Variants in PHIP observed in about 807,000 individuals in gnomAD.
The protein encoded by PHIP is PHIP subunit of CUL4-Ring ligase complex.
PHIP carries 54 observed loss-of-function variants against 236.8 expected under a neutral mutation model. That is an observed-to-expected ratio of 0.23 (90% confidence interval 0.18 to 0.29). PHIP has a LOEUF of 0.29. Ranked by LOEUF, PHIP falls within the 10% of genes least tolerant of loss-of-function variation. PHIP has a pLI of 1.00. For missense variants in PHIP, 1,370 were observed against 2,190.8 expected, an observed-to-expected ratio of 0.63 and a Z score of 7.48; for synonymous variants, 756 against 718.9, an observed-to-expected ratio of 1.05 and a Z score of -0.83.
At position 79,015,710 on chromosome 6, in the gene PHIP, T is replaced by G; in HGVS notation, c.1309A>C (p.Asn437His). The G allele has an allele frequency of 6.2e-7, 1 of 1,607,934 alleles. No individual in the cohort carries two copies. The highest frequency in any genetic ancestry group is 8.5e-7 in the Non-Finnish European group (1 of 1,174,816). ...TTATTAACTGCAGTTATAACTGTAT[T>G]GTCATGTCGATCCCAAGCTACCATA... The part of the protein sequence containing the change: ...VTMVAWDRHD[N>H]TVITAVNNMT... Residue 437 changes from asparagine (N) to histidine (H), a missense_variant, in exon 14 of 40, where the codon AAT becomes CAT. By Grantham distance (68) the Asn-to-His change is moderately conservative. Around this residue, in one of 14 missense-constraint regions of PHIP, gnomAD observed 188 missense variants for 354.3 expected, o/e 0.53. Coordinates refer to ENST00000275034, the MANE Select transcript of PHIP (RefSeq NM_017934.7).
At chr6:79,073,218 T>A (rs985650655) in intron 4 of PHIP, among the ~76,000 whole-genome samples, 2 of 152,184 alleles carry the variant, frequency 1.3e-5, no homozygotes, top group African/African-American at 4.8e-5. Context: ...GGTATAAGCA[T>A]CAATAGAATA....
intron 4 of PHIP, among the ~76,000 whole-genome samples, chr6:79,070,695 A>C (rs747472379): frequency 1.1e-4 from 16 of 152,260 alleles, no homozygotes; most frequent in Admixed American, 2.0e-4. Flanking sequence ...CACCAAAATC[A>C]AAATCCAGGA....
chr6:79,060,915 ATT>A (rs1259983052), intron 4 of PHIP, 97 bp from the exon 5 acceptor site: 2 of 789,528 alleles, frequency 2.5e-6, no homozygotes, highest in South Asian at 2.2e-5. Flanking sequence ...AGTATAAAAT[ATT>A]TTGTTTTGCG....
chr6:79,049,301 A>T (rs1772670043), intron 6 of PHIP, among the ~76,000 whole-genome samples: 1 of 152,088 alleles, frequency 6.6e-6, no homozygotes, highest in Admixed American at 6.6e-5. Flanking sequence ...GCCTCAAGTG[A>T]TCTGCCTGCC....
intron 38 of PHIP, 176 bp downstream of exon 38, chr6:78,945,825 C>A: frequency 1.6e-6 from 1 of 618,706 alleles, no homozygotes; most frequent in Non-Finnish European, 2.8e-6. Flanking sequence ...ATGACCTAAA[C>A]CTCAATTTAA....
intron 35 of PHIP, among the ~76,000 whole-genome samples, chr6:78,950,135 T>A (rs1774062978): frequency 6.6e-6 from 1 of 152,252 alleles, no homozygotes; most frequent in Non-Finnish European, 1.5e-5. Flanking sequence ...GATTACTTGA[T>A]ATAATCATGA....
intron 15 of PHIP, among the ~76,000 whole-genome samples, chr6:79,012,959 A>T (rs1027519533): frequency 6.6e-6 from 1 of 151,830 alleles, no homozygotes; most frequent in African/African-American, 2.4e-5. Context: ...CTTCATAGAC[A>T]TATCACTAAC....
At chr6:79,052,974 G>A (rs1198310002) in intron 6 of PHIP, among the ~76,000 whole-genome samples, 1 of 152,098 alleles carries the variant, frequency 6.6e-6, no homozygotes, top group Non-Finnish European at 1.5e-5. Context: ...CAAAAACAGA[G>A]ATATAATGTC....
chr6:78,968,078 T>G (rs1767263167), intron 27 of PHIP, among the ~76,000 whole-genome samples: 2 of 152,030 alleles, frequency 1.3e-5, no homozygotes, highest in South Asian at 4.1e-4. Context: ...GAACTTGCAG[T>G]GAGCCAAGAT....
Position 78,935,632 on chromosome 6 carries a change from C to T in PHIP, c.*5061G>A, listed in dbSNP as rs1177725539. 1.0e-6 allele frequency: 1 copy of T among 982,124 alleles called. No homozygotes were observed. The highest frequency in any genetic ancestry group is 1.2e-6 in the Non-Finnish European group (1 of 827,188). 60.8% of individuals were successfully genotyped at this position (982,124 alleles called of 1,614,324 possible). A position where few individuals can be genotyped will look rare whatever the true frequency, so the allele number is the denominator to read the frequency against. On this transcript the variant is annotated 3_prime_UTR_variant, in exon 40 of 40. Transcript: ENST00000275034. ...ATAAAAAGGCATATAAGTTTTTGAC[C>T]TTCAGTTGTTTTGGAATTAAATTAC...
At chr6:78,977,611 A>C (rs1157955341) in intron 24 of PHIP, among the ~76,000 whole-genome samples, 1 of 152,138 alleles carries the variant, frequency 6.6e-6, no homozygotes, top group African/African-American at 2.4e-5. Flanking sequence ...AGCAGCTAAA[A>C]AGACAACCTA....
chr6:78,966,277 A>AT (rs1381996931), intron 27 of PHIP, among the ~76,000 whole-genome samples: 1 of 152,188 alleles, frequency 6.6e-6, no homozygotes, highest in Non-Finnish European at 1.5e-5. Flanking sequence ...TTTCAATTCT[A>AT]TTTTTTATAT....
chr6:79,042,749 GA>G (rs1772289863), intron 7 of PHIP, 93 bp downstream of exon 7: 29 of 916,586 alleles, frequency 3.2e-5, no homozygotes, highest in Non-Finnish European at 4.3e-5. Flanking sequence ...CCTATTAAAA[GA>G]AAAAAAAGCA....
chr6:79,066,850 G>C (rs956425054), intron 4 of PHIP, among the ~76,000 whole-genome samples: 1 of 152,044 alleles, frequency 6.6e-6, no homozygotes, highest in African/African-American at 2.4e-5. Flanking sequence ...CCATGTATCA[G>C]TAGTGCTCAA....
rs114358370 is a variant in PHIP at position 78,953,246 on chromosome 6, G to A, written c.4053+1568C>T. ...TATTCAATTCTTCTTTTCATTCAGG[G>A]TACAGTTCTTCAATATTTCTGGTTT... On this transcript the variant is annotated intron_variant, in intron 35 of 39. Coordinates refer to ENST00000275034, the MANE Select transcript of PHIP (RefSeq NM_017934.7). Among the ~76,000 whole-genome samples the A allele has an allele frequency of 5.9e-3, 895 of 152,068 alleles. 4 individuals carry two copies. Among genetic ancestry groups the A allele is most frequent in the African/African-American group, 0.02 (825 of 41,480 alleles).
At chr6:78,971,348 G>T (rs1231391732) in intron 24 of PHIP, among the ~76,000 whole-genome samples, 1 of 152,192 alleles carries the variant, frequency 6.6e-6, no homozygotes, top group Non-Finnish European at 1.5e-5. Flanking sequence ...ATTTCATGAA[G>T]ATCAAATTTA....
At chr6:79,006,123 G>C (rs1270404153) in intron 15 of PHIP, among the ~76,000 whole-genome samples, 1 of 151,822 alleles carries the variant, frequency 6.6e-6, no homozygotes, top group Non-Finnish European at 1.5e-5. Context: ...AAAAAGAAAA[G>C]GATATTATTT....
intron 17 of PHIP, 123 bp downstream of exon 17, chr6:79,001,776 G>T: frequency 1.6e-6 from 1 of 644,860 alleles, no homozygotes; most frequent in Non-Finnish European, 2.8e-6. Context: ...CTGTATAAAA[G>T]TATAAAACAT....
At chr6:78,982,827 A>G (rs998294577) in intron 23 of PHIP, 59 bp downstream of exon 23, 25 of 981,070 alleles carry the variant, frequency 2.5e-5, no homozygotes, top group Non-Finnish European at 3.6e-5. Context: ...GTACTTCAAG[A>G]TGTGTGCTTT....
Sources: gnomAD v4.1 joint callset for allele counts (sites outside exome capture counted in the v4.1 genomes callset) on GRCh38, gnomAD v4.1.1 for gene constraint, gnomAD v4.1.1 regional missense constraint, MANE v1.5 for transcripts, NCBI Gene and HGNC (gene_info 2026-07-23, HGNC 2026-07-21) for gene names.